Variants in WDR81 observed in about 807,000 individuals in gnomAD.
WDR81 encodes the protein WD repeat-containing protein 81.
WDR81 carries 92 observed loss-of-function variants against 140.8 expected under a neutral mutation model. That is an observed-to-expected ratio of 0.65 (90% CI 0.55 to 0.78). WDR81 has a LOEUF of 0.78. Ranked by LOEUF, WDR81 falls within the 30% of genes least tolerant of loss-of-function variation. WDR81 has a pLI of 0.00. For missense variants in WDR81, 2,502 were observed against 2,636.4 expected, an observed-to-expected ratio of 0.95 and a Z score of 1.12; for synonymous variants, 1,183 against 1,156.4, an observed-to-expected ratio of 1.02 and a Z score of -0.47.
At position 1,735,783 on chromosome 17, in the gene WDR81, T is replaced by A; in HGVS notation, c.5325+66T>A. The A allele has an allele frequency of 6.5e-7, 1 of 1,537,672 alleles. No homozygotes were observed. On this transcript the variant is annotated intron_variant, in intron 8 of 9. Transcript: ENST00000409644. The surrounding 1 kb of genome is among the most constrained non-coding windows in gnomAD (Gnocchi z 4.2). ...TGGGGACCTGGCAAGGAGGAGAGAC[T>A]CCCCAAAAACAGAAAGCCAGGATGT...
At chr17:1,721,350 A>G (rs907661175), upstream of WDR81, among the ~76,000 whole-genome samples, 18 of 119,758 alleles carry the variant, frequency 1.5e-4, no homozygotes, top group Non-Finnish European at 2.5e-4. Flanking sequence ...CAAGAGCGAA[A>G]CTTTGTCTCG....
rs754845961 is a variant in WDR81, at chr17:1,730,446, T to C, written c.3734T>C (p.Val1245Ala). 6.2e-7 allele frequency: 1 copy of C among 1,613,330 alleles called. No homozygotes were observed. Among genetic ancestry groups the C allele is most frequent in the Non-Finnish European group, 8.5e-7 (1 of 1,179,954 alleles). The change falls in exon 2 of 10, where the codon GTG becomes GCG. Residue 1245 changes from valine (V) to alanine (A), a missense_variant. Coordinates refer to ENST00000409644, the MANE Select transcript of WDR81 (RefSeq NM_001163809.2). ...KLGPTVASRH[V>A]ARNLLRLLTS... Reference sequence around the variant, plus strand: ...GGCCCCACAGTGGCCTCTCGCCACGTGGCCCGGAACCTGCTCCGCCTGCTG... The same window carrying C: ...GGCCCCACAGTGGCCTCTCGCCACGCGGCCCGGAACCTGCTCCGCCTGCTG...
chr17:1,726,923 G>A lies in WDR81; in HGVS notation c.1964G>A (p.Gly655Glu), dbSNP rs1427076488. 1.3e-6 allele frequency: 2 copies of A among 1,550,484 alleles called. No individual in the cohort carries two copies. The highest frequency in any genetic ancestry group is 2.4e-5 in the East Asian group (1 of 40,926). ...TGGACCAGAGACAGGCCGGTGGCAG[G>A]AGAAGACGACTTGGAACAGGCCACA... ...ASWTRDRPVA[G>E]EDDLEQATEA... Residue 655 changes from glycine (G) to glutamate (E), a missense_variant, in exon 1 of 10, where the codon GGA becomes GAA. This residue lies in a region of WDR81 where 1,737 missense variants were observed against 1,843.0 expected (regional missense o/e 0.94). Coordinates refer to ENST00000409644, the MANE Select transcript of WDR81 (RefSeq NM_001163809.2).
intron 6 of WDR81, among the ~76,000 whole-genome samples, chr17:1,733,325 A>G (rs1904530016): frequency 6.6e-6 from 1 of 152,240 alleles, no homozygotes; most frequent in Non-Finnish European, 1.5e-5. Context: ...CACGGCACAT[A>G]TAGAAGATGC....
Position 1,734,179 on chromosome 17 carries a change from C to A in WDR81, c.5142C>A (p.Ser1714Arg). Reference protein sequence around the residue: ...GQLEAPQHVVSCDGAVHVWDP... With the variant: ...GQLEAPQHVVRCDGAVHVWDP... ...TTGAGGCCCCGCAGCACGTGGTGAG[C>A]TGTGACGGGGCTGTGCACGTCTGGG... is the stretch of plus-strand genomic sequence containing the variant. Residue 1714 changes from serine to arginine, a missense_variant, in exon 7 of 10, where the codon AGC (serine) becomes AGA (arginine). Physicochemically the swap from Ser to Arg is moderately radical, Grantham distance 110 (BLOSUM62 -1). Coordinates refer to ENST00000409644, the MANE Select transcript of WDR81 (RefSeq NM_001163809.2). 1 of 1,596,374 alleles carries A rather than the reference C, an allele frequency of 6.3e-7. No homozygotes were observed. Among genetic ancestry groups the A allele is most frequent in the Non-Finnish European group, 8.5e-7 (1 of 1,178,576 alleles).
rs748777672 is a variant in WDR81, at chr17:1,734,222, C to T, written c.5179+6C>T. On this transcript the variant is annotated splice_donor_region_variant and intron_variant, in intron 7 of 9. Transcript: ENST00000409644. ...CGTCTGGGACCCCTTCACAGGTGAG[C>T]GGGCCCAGGTGAGGCCTGTTCTCTT... 11 of 1,568,042 alleles carry T rather than the reference C, an allele frequency of 7.0e-6. No homozygotes were observed. The highest frequency in any genetic ancestry group is 2.3e-5 in the East Asian group (1 of 44,252).
chr17:1,723,559 C>T (rs1316765664), upstream of WDR81, among the ~76,000 whole-genome samples: 2 of 151,282 alleles, frequency 1.3e-5, no homozygotes, highest in Admixed American at 6.6e-5. Flanking sequence ...CATCTCGGCT[C>T]ACTGCAAGCT....
At chr17:1,724,611 G>T (rs1382515905), upstream of WDR81, 2 of 1,000,894 alleles carry the variant, frequency 2.0e-6, no homozygotes, top group East Asian at 1.0e-4. Flanking sequence ...GAGGGAGGGC[G>T]GGGAGGCCGC....
In WDR81 at chr17:1,731,111, G is replaced by A. The variant is rs773481022; in HGVS notation, c.4010G>A (p.Arg1337His). 8 of 1,613,028 alleles carry A rather than the reference G, an allele frequency of 5.0e-6. No individual in the cohort carries two copies. The highest frequency in any genetic ancestry group is 1.3e-5 in the African/African-American group (1 of 74,922). The stretch of plus-strand genomic sequence containing the variant: ...TCAGGCCCCAGCCGACTGAACAGCC[G>A]TAAGGAGGCGGGGCTGCTGGCCGCG... The part of the protein sequence containing the change: ...SASGPSRLNS[R>H]KEAGLLAAVT... Residue 1337 changes from arginine to histidine, a missense_variant, in exon 4 of 10, where the codon CGT becomes CAT. Arg to His is a conservative substitution (Grantham distance 29, BLOSUM62 0). Coordinates refer to ENST00000409644, the MANE Select transcript of WDR81 (RefSeq NM_001163809.2).
At position 1,732,678 on chromosome 17, in the gene WDR81, G is replaced by A. The variant is rs751333167; in HGVS notation, c.4336G>A (p.Asp1446Asn). Residue 1446 changes from aspartate to asparagine, a missense_variant, in exon 6 of 10, where the codon GAC (aspartate) becomes AAC (asparagine). Around this residue, in one of 3 missense-constraint regions of WDR81, gnomAD observed 1,737 missense variants for 1,843.0 expected, o/e 0.94. Coordinates refer to ENST00000409644, the MANE Select transcript of WDR81 (RefSeq NM_001163809.2). The stretch of plus-strand genomic sequence containing the variant: ...GTCTTGCTCATAGGATCTGAAGCTG[G>A]ACCCTGCGGGCCGTGGTGAGGGCCA... ...HELRQQDLKL[D>N]PAGRGEGQLP... 6.7e-5 allele frequency: 108 copies of A among 1,606,678 alleles called. No homozygotes were observed. The highest frequency in any genetic ancestry group is 2.9e-4 in the African/African-American group (22 of 74,840).
intron 6 of WDR81, 49 bp from the exon 7 acceptor site, chr17:1,733,478 A>C (rs1597300794): frequency 1.0e-5 from 15 of 1,493,318 alleles, no homozygotes; most frequent in East Asian, 4.7e-5. Context: ...GGGTGATAGC[A>C]GCCGCCTGCC....
upstream of WDR81, among the ~76,000 whole-genome samples, chr17:1,724,296 A>G (rs982835511): frequency 1.3e-5 from 2 of 152,338 alleles, no homozygotes; most frequent in East Asian, 3.9e-4. Flanking sequence ...CCCGGGAGGC[A>G]GAGGTTGCGG....
chr17:1,723,379 C>G (rs1267069858), upstream of WDR81, among the ~76,000 whole-genome samples: 1 of 151,468 alleles, frequency 6.6e-6, no homozygotes, highest in Admixed American at 6.6e-5. Context: ...TCAGACAGCC[C>G]AGGGTTTCGT....
At position 1,727,964 on chromosome 17, in the gene WDR81, C is replaced by G. The variant is rs1039162948; in HGVS notation, c.3005C>G (p.Thr1002Ser). 34 of 1,550,178 alleles carry G rather than the reference C, an allele frequency of 2.2e-5. No homozygotes were observed. The highest frequency in any genetic ancestry group is 2.8e-5 in the Non-Finnish European group (32 of 1,147,014). The change falls in exon 1 of 10, where the codon ACT becomes AGT. Residue 1002 changes from threonine (T) to serine (S), a missense_variant. By Grantham distance (58) the Thr-to-Ser change is moderately conservative. Coordinates refer to ENST00000409644, the MANE Select transcript of WDR81 (RefSeq NM_001163809.2). ...CGGCTGGGCCTGCAGGCATTTCTCACTCACCTGCTGCCCCATGTCCTGCAG... is the reference window on the plus strand; with the variant it reads ...CGGCTGGGCCTGCAGGCATTTCTCAGTCACCTGCTGCCCCATGTCCTGCAG... ...MVRLGLQAFLTHLLPHVLQVL... is the reference protein window; with the variant it reads ...MVRLGLQAFLSHLLPHVLQVL...
At position 1,719,556 on chromosome 17, in the gene WDR81, GAA is replaced by G. The variant is rs546011340; in HGVS notation, c.-124+2937_-124+2938del. Reference sequence around the variant, plus strand: ...AGAGCAAGACTCCGTCTCAAAAAAAGAAAAAAAAAAAAAAATTAAAAATGTGG... The same window carrying G: ...AGAGCAAGACTCCGTCTCAAAAAAAGAAAAAAAAAAAAATTAAAAATGTGG... On this transcript the variant is annotated intron_variant, in intron 1 of 10. Transcript: ENST00000309182. Among the ~76,000 whole-genome samples, 32 of 129,290 alleles carry G rather than the reference GAA, an allele frequency of 2.5e-4. No homozygotes were observed. In the Middle Eastern group the frequency reaches 0.017, roughly 70 times the overall value. 84.8% of individuals were successfully genotyped at this position (129,290 alleles called of 152,430 possible).
At chr17:1,733,429 G>A in intron 6 of WDR81, 98 bp from the exon 7 acceptor site, 1 of 1,278,454 alleles carries the variant, frequency 7.8e-7, no homozygotes, top group Non-Finnish European at 1.1e-6. Context: ...TGCAGAGCCA[G>A]TTCCTGCCCC....
chr17:1,724,616 GGCC>G (rs932526761), upstream of WDR81: 152 of 1,003,450 alleles, frequency 1.5e-4, no homozygotes, highest in Non-Finnish European at 1.7e-4. Context: ...AGGGCGGGGA[GGCC>G]GCCGGGCAGG....
At chr17:1,718,186 C>T (rs915532763) in intron 1 of WDR81, among the ~76,000 whole-genome samples, 5 of 151,904 alleles carry the variant, frequency 3.3e-5, no homozygotes, top group Middle Eastern at 3.2e-3. Context: ...GGCGCGATCT[C>T]GGCTCACTGC....
intron 6 of WDR81, 82 bp downstream of exon 6, chr17:1,732,913 G>C: frequency 6.6e-7 from 1 of 1,511,082 alleles, no homozygotes; most frequent in South Asian, 1.3e-5. Context: ...CCTTGCCCCA[G>C]AGTCAGCAGT....
Sources: gnomAD v4.1 joint callset for allele counts (sites outside exome capture counted in the v4.1 genomes callset) on GRCh38, gnomAD v4.1.1 for gene constraint, gnomAD v4.1.1 regional missense constraint, Gnocchi (gnomAD v3.1) non-coding constraint, MANE v1.5 for transcripts, NCBI Gene and HGNC (gene_info 2026-07-23, HGNC 2026-07-21) for gene names.